UBE3C: variants seen among roughly 807,000 people sequenced by gnomAD.
The protein encoded by UBE3C is ubiquitin protein ligase E3C.
A neutral mutation model predicts 129.4 loss-of-function variants in UBE3C; 42 were observed. The ratio of observed to expected loss-of-function variants is 0.32; its 90% CI spans 0.25 to 0.42. The LOEUF (loss-of-function observed/expected upper bound fraction) is 0.42, where lower values mean the gene tolerates loss of function less well. Among genes scored for constraint, UBE3C ranks in the 10% least tolerant of loss-of-function variants. The pLI, the probability that UBE3C is intolerant of heterozygous loss-of-function variation, is 1.00. For missense variants in UBE3C, 1,049 were observed against 1,319.1 expected (o/e 0.80, Z 3.17); for synonymous variants, 510 against 492.4 (o/e 1.04, Z -0.47).
chr7:157,231,578 AG>A, intron 18 of UBE3C: 2 of 483,200 alleles, frequency 4.1e-6, no homozygotes, highest in South Asian at 4.3e-5. Context: ...AATCTTTAAG[AG>A]GTGATTAGAT....
At chr7:157,165,441 G>A (rs1013386933) in intron 2 of UBE3C, among the ~76,000 whole-genome samples, 6 of 145,422 alleles carry the variant, frequency 4.1e-5, no homozygotes, top group African/African-American at 1.3e-4. Flanking sequence ...TTTGTCAACC[G>A]GGCTGGACTG....
At chr7:157,170,472 A>G in intron 4 of UBE3C, 22 bp downstream of exon 4, 4 of 1,509,944 alleles carry the variant, frequency 2.6e-6, no homozygotes, top group Admixed American at 2.5e-5. Context: ...CTACATTTTC[A>G]CTTGTCCTCG....
intron 11 of UBE3C, among the ~76,000 whole-genome samples, chr7:157,204,053 A>T (rs1382993989): frequency 6.6e-6 from 1 of 152,182 alleles, no homozygotes; most frequent in Non-Finnish European, 1.5e-5. Context: ...AAGCGTAAAA[A>T]CAGAATGGTT....
chr7:157,201,707 C>A lies in UBE3C; in HGVS notation c.1332-14C>A. 3 of 1,353,216 alleles carry A rather than the reference C, an allele frequency of 2.2e-6. No homozygotes were observed. The highest frequency in any genetic ancestry group is 1.4e-5 in the South Asian group (1 of 71,406). 83.8% of individuals were successfully genotyped at this position (1,353,216 alleles called of 1,614,324 possible). A position where few individuals can be genotyped will look rare whatever the true frequency, so the allele number is the denominator to read the frequency against. On this transcript the variant is annotated splice_polypyrimidine_tract_variant and intron_variant, in intron 10 of 22. Transcript: ENST00000348165. Reference sequence around the variant, plus strand: ...TGCTTTACTGTTCTGTGTTTTTCTCCTATTCCTTTTTAGGCTTCTCTACAG... The same window carrying A: ...TGCTTTACTGTTCTGTGTTTTTCTCATATTCCTTTTTAGGCTTCTCTACAG...
chr7:157,260,930 G>A (rs1045781869), intron 22 of UBE3C, among the ~76,000 whole-genome samples: 5 of 152,168 alleles, frequency 3.3e-5, no homozygotes, highest in African/African-American at 4.8e-5. Flanking sequence ...CTCCGGGTTC[G>A]TGCATGGCCA....
chr7:157,179,130 G>A (rs963713168), intron 6 of UBE3C, among the ~76,000 whole-genome samples: 5 of 151,634 alleles, frequency 3.3e-5, no homozygotes, highest in African/African-American at 9.7e-5. Context: ...CAGTTGTCCC[G>A]TCATCCAAGA....
intron 1 of UBE3C, among the ~76,000 whole-genome samples, chr7:157,148,922 C>T (rs1252036600): frequency 6.6e-6 from 1 of 151,936 alleles, no homozygotes. Flanking sequence ...CAGCCTGGCT[C>T]TGAAAATGTT....
intron 14 of UBE3C, 159 bp downstream of exon 14, chr7:157,217,130 T>C (rs1025452977): frequency 3.6e-6 from 2 of 556,436 alleles, no homozygotes; most frequent in Admixed American, 6.6e-5. Flanking sequence ...CGCCAACTTC[T>C]TAATGGAACA....
intron 1 of UBE3C, among the ~76,000 whole-genome samples, chr7:157,148,257 G>A (rs1310978101): frequency 6.6e-6 from 1 of 151,838 alleles, no homozygotes; most frequent in Non-Finnish European, 1.5e-5. Context: ...CCCACCACCA[G>A]GCCTGGCTAA....
In UBE3C at chr7:157,266,948, C is replaced by T. The variant is rs548342032; in HGVS notation, c.3082-637C>T. Among the ~76,000 whole-genome samples, 3 of 152,180 alleles carry T rather than the reference C, an allele frequency of 2.0e-5. No individual in the cohort carries two copies. In the South Asian group the frequency reaches 6.2e-4, roughly 32 times the overall value. ...GTGGAAATGAGGTCTCGTTATGTTG[C>T]CCAGGCTGGTCTCGAACTCCTAAGC... On this transcript the variant is annotated intron_variant, in intron 22 of 22. Coordinates refer to ENST00000348165, the MANE Select transcript of UBE3C (RefSeq NM_014671.3).
intron 1 of UBE3C, among the ~76,000 whole-genome samples, chr7:157,152,786 T>C (rs1807793304): frequency 6.6e-6 from 1 of 152,220 alleles, no homozygotes; most frequent in Admixed American, 6.5e-5. Flanking sequence ...GCTTTACTTG[T>C]GCATTCCTGT....
At chr7:157,197,167 T>A (rs1809143899) in intron 10 of UBE3C, among the ~76,000 whole-genome samples, 1 of 152,250 alleles carries the variant, frequency 6.6e-6, no homozygotes, top group Non-Finnish European at 1.5e-5. Flanking sequence ...TAGACACTTT[T>A]CAGTATTTAC....
rs1586700701 is a variant in UBE3C at position 157,223,067 on chromosome 7, G to A, written c.2003-187G>A. 7.1e-6 allele frequency: 4 copies of A among 563,442 alleles called. No homozygotes were observed. The East Asian group carries it at 1.2e-4, about 17-fold the overall frequency. 34.9% of individuals were successfully genotyped at this position (563,442 alleles called of 1,614,324 possible). A position where few individuals can be genotyped will look rare whatever the true frequency, so the allele number is the denominator to read the frequency against. On this transcript the variant is annotated intron_variant, in intron 15 of 22. Transcript: ENST00000348165. ...TTCGATCAAGTTATGTGTTCGGGGAGCTACTGTGCTGATCCTGCACTGTGC... is the reference window on the plus strand; with the variant it reads ...TTCGATCAAGTTATGTGTTCGGGGAACTACTGTGCTGATCCTGCACTGTGC...
At chr7:157,169,157 C>G (rs545386576) in intron 3 of UBE3C, 35 bp downstream of exon 3, 1 of 1,532,310 alleles carries the variant, frequency 6.5e-7, no homozygotes, top group Non-Finnish European at 9.0e-7. Flanking sequence ...ATTAGTAGGG[C>G]ATGGGAGAGC....
chr7:157,143,590 A>T (rs912977155), intron 1 of UBE3C, among the ~76,000 whole-genome samples: 8 of 152,168 alleles, frequency 5.3e-5, no homozygotes, highest in African/African-American at 1.9e-4. Flanking sequence ...ACCAGTTTTC[A>T]GGAGAGGAAA....
chr7:157,198,396 C>T, intron 10 of UBE3C: 1 of 696,732 alleles, frequency 1.4e-6, no homozygotes, highest in Non-Finnish European at 2.6e-6. Context: ...TGGCTGTTTT[C>T]AAGTTTCTTT....
At chr7:157,189,014 C>G (rs1808882978) in intron 10 of UBE3C, 2 of 557,278 alleles carry the variant, frequency 3.6e-6, no homozygotes, top group African/African-American at 3.7e-5. Context: ...CAGATGCGTA[C>G]ATGAAAACCG....
At chr7:157,186,784 C>T (rs368649985) in intron 9 of UBE3C, 50 bp from the exon 10 acceptor site, 32 of 1,596,286 alleles carry the variant, frequency 2.0e-5, no homozygotes, top group Middle Eastern at 1.7e-4. Flanking sequence ...GTGTAGAGGA[C>T]GTTCCAGTTG....
intron 21 of UBE3C, among the ~76,000 whole-genome samples, chr7:157,254,982 G>A (rs1381310456): frequency 1.3e-5 from 2 of 149,514 alleles, no homozygotes; most frequent in African/African-American, 2.5e-5. Flanking sequence ...GCGTGGTGGC[G>A]TACACCTGCA....
Sources: allele counts gnomAD v4.1 joint callset (sites outside exome capture counted in the v4.1 genomes callset), GRCh38; gene constraint gnomAD v4.1.1; transcripts MANE v1.5; gene names NCBI Gene and HGNC (gene_info 2026-07-23, HGNC 2026-07-21).